MDGA2: variants seen among roughly 807,000 people sequenced by gnomAD.
The protein encoded by MDGA2 is MAM domain containing glycosylphosphatidylinositol anchor 2, also known as MAM domain-containing glycosylphosphatidylinositol anchor protein 2.
MDGA2 carries 40 observed loss-of-function variants against 117.8 expected under a neutral mutation model. The observed-to-expected ratio is 0.34, with a 90% confidence interval of 0.26 to 0.44. The LOEUF is 0.44. Ranked by LOEUF, MDGA2 falls within the 20% of genes least tolerant of loss-of-function variation. The probability of loss-of-function intolerance (pLI) is 1.00; values close to 1 mark genes in which losing one functional copy is unlikely to be tolerated. For synonymous variants in MDGA2, 452 were observed against 439.0 expected (o/e 1.03, Z -0.37); for missense variants, 1,123 against 1,250.6 (o/e 0.90, Z 1.54).
chr14:46,993,465 G>A (rs78029636), intron 8 of MDGA2, among the ~76,000 whole-genome samples: 1 of 147,678 alleles, frequency 6.8e-6, no homozygotes, highest in African/African-American at 2.4e-5. Context: ...TTTTGGGGGG[G>A]ACTTTTTTTT....
chr14:46,846,886 A>T (rs375703837), intron 15 of MDGA2, among the ~76,000 whole-genome samples: 1 of 152,160 alleles, frequency 6.6e-6, no homozygotes, highest in Non-Finnish European at 1.5e-5. Flanking sequence ...TGCTTTATTA[A>T]TAACATTTCT....
chr14:46,873,663 G>A, intron 13 of MDGA2, 72 bp from the exon 14 acceptor site: 1 of 1,352,032 alleles, frequency 7.4e-7, no homozygotes, highest in Non-Finnish European at 1.0e-6. Context: ...TCACTGAGAA[G>A]TCTTATAGTT....
chr14:47,662,755 C>T (rs1318448042), intron 1 of MDGA2, among the ~76,000 whole-genome samples: 1 of 152,070 alleles, frequency 6.6e-6, no homozygotes, highest in Non-Finnish European at 1.5e-5. Flanking sequence ...GGGAGTTATT[C>T]TAGTCTTGGG....
intron 3 of MDGA2, among the ~76,000 whole-genome samples, chr14:47,174,242 G>C (rs1000939345): frequency 6.6e-6 from 1 of 152,034 alleles, no homozygotes; most frequent in Admixed American, 6.6e-5. Flanking sequence ...AGATCAACGA[G>C]ACAGAAAGTT....
At chr14:46,938,899 A>G (rs1246676114) in intron 9 of MDGA2, among the ~76,000 whole-genome samples, 1 of 152,226 alleles carries the variant, frequency 6.6e-6, no homozygotes, top group Non-Finnish European at 1.5e-5. Flanking sequence ...GATAAAATGT[A>G]GTATATATAC....
rs1310825894 is a variant in MDGA2, at chr14:46,855,309, ATGACATT to A, written c.2753-162_2753-156del. Reference sequence around the variant, plus strand: ...TCCTCTCATTTCCTATCTTGCTCTTATGACATTTGACATTTGATCCAAAAGTAACCAT... The same window carrying A: ...TCCTCTCATTTCCTATCTTGCTCTTATGACATTTGATCCAAAAGTAACCAT... On this transcript the variant is annotated intron_variant, in intron 14 of 16. Coordinates refer to ENST00000399232, the MANE Select transcript of MDGA2 (RefSeq NM_001113498.3). The surrounding 1 kb of genome is among the most constrained non-coding windows in gnomAD (Gnocchi z 4.1). Among the ~76,000 whole-genome samples the A allele has an allele frequency of 6.6e-6, 1 of 152,034 alleles. No homozygotes were observed. The highest frequency in any genetic ancestry group is 6.6e-5 in the Admixed American group (1 of 15,234).
At chr14:47,363,651 T>C (rs148333961) in intron 1 of MDGA2, among the ~76,000 whole-genome samples, 26 of 152,148 alleles carry the variant, frequency 1.7e-4, no homozygotes, top group African/African-American at 5.1e-4. Flanking sequence ...GCATGGTAAA[T>C]GGATTGGTAA....
Position 47,160,787 on chromosome 14 carries a change from T to TA in MDGA2, c.596-16514dup, listed in dbSNP as rs1278075991. Among the ~76,000 whole-genome samples the TA allele has an allele frequency of 1.0e-3, 158 of 152,352 alleles. 1 individual carries two copies. Among genetic ancestry groups the TA allele is most frequent in the African/African-American group, 3.7e-3 (154 of 41,592 alleles). On this transcript the variant is annotated intron_variant, in intron 3 of 16. Transcript: ENST00000399232. ...AATTTTAGGTAAGTGAAAACTCAGA[T>TA]ATCCATCTGACCTGGTGCCATCAAC...
At chr14:46,900,723 G>A in intron 10 of MDGA2, among the ~76,000 whole-genome samples, 1 of 152,106 alleles carries the variant, frequency 6.6e-6, no homozygotes, top group African/African-American at 2.4e-5. Context: ...AGTAACATCA[G>A]GGAGTCTACG....
chr14:47,178,786 A>G (rs747388602), intron 3 of MDGA2, among the ~76,000 whole-genome samples: 18 of 152,190 alleles, frequency 1.2e-4, no homozygotes, highest in Non-Finnish European at 8.8e-5. Flanking sequence ...AAACTCAGTC[A>G]GAAATAGCAA....
chr14:46,935,032 T>A (rs7152566), intron 9 of MDGA2, among the ~76,000 whole-genome samples: 83,052 of 148,606 alleles, frequency 0.56, 23,105 homozygotes, highest in South Asian at 0.59. Context: ...TGTCAGAATT[T>A]AAAAAAAAAA....
At chr14:47,274,131 G>A (rs1410915035) in intron 2 of MDGA2, among the ~76,000 whole-genome samples, 2 of 151,816 alleles carry the variant, frequency 1.3e-5, no homozygotes, top group East Asian at 1.9e-4. Flanking sequence ...ATATATTCAC[G>A]TGGTTGCGCA....
chr14:47,165,489 G>A (rs1883833438), intron 3 of MDGA2, among the ~76,000 whole-genome samples: 2 of 152,084 alleles, frequency 1.3e-5, no homozygotes, highest in South Asian at 4.1e-4. Flanking sequence ...TAGCCATAGG[G>A]TATAACTCCT....
At chr14:47,663,118 G>A (rs971952917) in intron 1 of MDGA2, among the ~76,000 whole-genome samples, 3 of 152,164 alleles carry the variant, frequency 2.0e-5, no homozygotes, top group Admixed American at 6.5e-5. Flanking sequence ...GTTCAGAACT[G>A]AAATAAAAGC....
chr14:47,294,995 C>T lies in MDGA2; in HGVS notation c.420+6416G>A, dbSNP rs1046034441. ...TTCTATTATAAAATTGAAAAATGGC[C>T]TAGCCAAATTTTTTTATGCAAAAAG... On this transcript the variant is annotated intron_variant, in intron 2 of 16. Transcript: ENST00000399232. Among the ~76,000 whole-genome samples the T allele has an allele frequency of 7.2e-5, 11 of 152,114 alleles. No homozygotes were observed. In the South Asian group the frequency reaches 1.2e-3, roughly 17 times the overall value.
chr14:47,459,436 T>C (rs899291782), intron 1 of MDGA2, among the ~76,000 whole-genome samples: 3 of 151,742 alleles, frequency 2.0e-5, no homozygotes, highest in East Asian at 1.9e-4. Context: ...AATTGAGAGA[T>C]AGATTTTTCA....
At chr14:46,963,629 C>A (rs1429465365) in intron 8 of MDGA2, among the ~76,000 whole-genome samples, 2 of 152,206 alleles carry the variant, frequency 1.3e-5, no homozygotes, top group Non-Finnish European at 2.9e-5. Context: ...CTGGCTCATT[C>A]TCATCATTCA....
intron 1 of MDGA2, among the ~76,000 whole-genome samples, chr14:47,505,182 T>C (rs1426103103): frequency 6.6e-6 from 1 of 151,726 alleles, no homozygotes; most frequent in Non-Finnish European, 1.5e-5. Flanking sequence ...AAACAGAGAG[T>C]AGAACAGTGG....
chr14:47,397,272 T>C (rs1038764783), intron 1 of MDGA2, among the ~76,000 whole-genome samples: 8 of 151,310 alleles, frequency 5.3e-5, no homozygotes, highest in Non-Finnish European at 8.8e-5. Context: ...TAAGTGGGAG[T>C]TGAACAATGA....
Sources: allele counts gnomAD v4.1 joint callset (sites outside exome capture counted in the v4.1 genomes callset), GRCh38; gene constraint gnomAD v4.1.1; non-coding constraint Gnocchi (gnomAD v3.1); transcripts MANE v1.5; gene names NCBI Gene and HGNC (gene_info 2026-07-23, HGNC 2026-07-21).